Variants in RBFOX1 observed in about 807,000 individuals in gnomAD.
RBFOX1 encodes RNA binding protein fox-1 homolog 1.
In RBFOX1, 8 loss-of-function variants were observed where a neutral mutation model predicts 57.7. The observed-to-expected ratio is 0.14, with a 90% CI of 0.08 to 0.25. RBFOX1 has a LOEUF of 0.25. Among genes scored for constraint, RBFOX1 ranks in the 10% least tolerant of loss-of-function variants. RBFOX1 has a pLI of 1.00. For synonymous variants in RBFOX1, 326 were observed against 222.4 expected (o/e 1.47, Z -4.15); for missense variants, 611 against 548.5 (o/e 1.11, Z -1.14).
At chr16:5,866,603 G>A (rs765620504) in intron 3 of RBFOX1, among the ~76,000 whole-genome samples, 30 of 152,332 alleles carry the variant, frequency 2.0e-4, no homozygotes, top group Non-Finnish European at 4.0e-4. Flanking sequence ...CAAATCCTTT[G>A]ATATACAGTA....
At chr16:6,126,176 T>TG (rs1395210381) in intron 1 of RBFOX1, among the ~76,000 whole-genome samples, 2 of 152,224 alleles carry the variant, frequency 1.3e-5, no homozygotes, top group African/African-American at 4.8e-5. Context: ...TGAAATGTAA[T>TG]GGAGAATTAC....
At chr16:6,972,668 C>G (rs1360393433) in intron 3 of RBFOX1, among the ~76,000 whole-genome samples, 5 of 152,148 alleles carry the variant, frequency 3.3e-5, no homozygotes, top group Middle Eastern at 3.4e-3. Flanking sequence ...TGGGGACAGA[C>G]AACCTGAGTG....
chr16:7,548,765 T>C (rs2085389428), intron 5 of RBFOX1, among the ~76,000 whole-genome samples: 1 of 152,212 alleles, frequency 6.6e-6, no homozygotes, highest in South Asian at 2.1e-4. Context: ...GAGGCCGCCA[T>C]GTTTGCCTCT....
chr16:6,629,348 T>C (rs990759436), intron 2 of RBFOX1, among the ~76,000 whole-genome samples: 1 of 152,324 alleles, frequency 6.6e-6, no homozygotes, highest in African/African-American at 2.4e-5. Context: ...AGAAACACAG[T>C]GTTGCTCGTT....
At chr16:7,140,149 C>A (rs1322418897) in intron 4 of RBFOX1, among the ~76,000 whole-genome samples, 2 of 83,098 alleles carry the variant, frequency 2.4e-5, no homozygotes. Context: ...TTATTCTCTC[C>A]TTCTCTCCCT....
intron 1 of RBFOX1, among the ~76,000 whole-genome samples, chr16:5,256,809 C>T (rs984721751): frequency 1.3e-5 from 2 of 152,078 alleles, no homozygotes; most frequent in African/African-American, 4.8e-5. Flanking sequence ...TGGCATCTGC[C>T]TGTAGTCCCA....
At chr16:6,073,098 C>T (rs79434932) in intron 1 of RBFOX1, among the ~76,000 whole-genome samples, 2,508 of 152,244 alleles carry the variant, frequency 0.016, 70 homozygotes, top group South Asian at 0.11. Flanking sequence ...TAATGAATTT[C>T]TTTACCAGTG....
chr16:7,245,339 G>A (rs923853972), intron 4 of RBFOX1, among the ~76,000 whole-genome samples: 1 of 151,428 alleles, frequency 6.6e-6, no homozygotes, highest in Admixed American at 6.6e-5. Flanking sequence ...TTTATTTTAG[G>A]TTCCAAGATA....
chr16:6,220,507 C>G (rs1034785801), intron 1 of RBFOX1, among the ~76,000 whole-genome samples: 2 of 152,138 alleles, frequency 1.3e-5, no homozygotes, highest in Non-Finnish European at 2.9e-5. Flanking sequence ...AGTTATAAGT[C>G]TTTGATAATT....
intron 3 of RBFOX1, among the ~76,000 whole-genome samples, chr16:5,615,264 C>A (rs917463362): frequency 6.6e-6 from 1 of 152,162 alleles, no homozygotes; most frequent in Admixed American, 6.5e-5. Context: ...TTCCTGGACT[C>A]AATTGATCCT....
intron 1 of RBFOX1, among the ~76,000 whole-genome samples, chr16:6,257,983 C>G (rs1001495636): frequency 1.3e-5 from 2 of 152,078 alleles, no homozygotes; most frequent in African/African-American, 4.8e-5. Flanking sequence ...CTTTTTTGGT[C>G]TTTGAGGAAT....
At chr16:6,487,701 ATATATATATATATATATATATATATATAT>A (rs2095532548) in intron 2 of RBFOX1, among the ~76,000 whole-genome samples, 3 of 4,516 alleles carry the variant, frequency 6.6e-4, no homozygotes, top group East Asian at 7.7e-3. Flanking sequence ...AAAAAAAAAA[ATATATATATATATATATATATATATATAT>A]ATATATATAT....
At chr16:6,959,040 A>AAACTT (rs1389393569) in intron 3 of RBFOX1, among the ~76,000 whole-genome samples, 35 of 152,188 alleles carry the variant, frequency 2.3e-4, no homozygotes. Context: ...TTTCAGAATA[A>AAACTT]AACTTCACCA....
chr16:6,282,146 G>C lies in RBFOX1; in HGVS notation c.-126-34849G>C, dbSNP rs546549934. Among the ~76,000 whole-genome samples the C allele has an allele frequency of 1.1e-4, 16 of 152,206 alleles. No homozygotes were observed. In the East Asian group the frequency reaches 2.9e-3, roughly 28 times the overall value. ...ATTTTTGCAGAAGCTCTCTTCATCT[G>C]AATTCACAAGTATTGACTGTTTCTT... On this transcript the variant is annotated intron_variant, in intron 1 of 15. Coordinates refer to ENST00000550418, the MANE Select transcript of RBFOX1 (RefSeq NM_018723.4).
At chr16:5,712,572 A>G (rs1248972342) in intron 3 of RBFOX1, among the ~76,000 whole-genome samples, 1 of 152,106 alleles carries the variant, frequency 6.6e-6, no homozygotes, top group African/African-American at 2.4e-5. Context: ...TTCATCATCT[A>G]TGAGCTCACT....
intron 2 of RBFOX1, among the ~76,000 whole-genome samples, chr16:6,321,681 C>T (rs959807789): frequency 6.6e-6 from 1 of 152,110 alleles, no homozygotes; most frequent in African/African-American, 2.4e-5. Context: ...TAATAATGGT[C>T]GGGCAGATAG....
chr16:7,017,994 G>A (rs956889256), intron 3 of RBFOX1, among the ~76,000 whole-genome samples: 1 of 152,104 alleles, frequency 6.6e-6, no homozygotes, highest in East Asian at 1.9e-4. Context: ...GGTCTTCAGG[G>A]AATGGAATTT....
intron 3 of RBFOX1, among the ~76,000 whole-genome samples, chr16:5,825,806 T>C (rs554693922): frequency 1.7e-3 from 250 of 145,652 alleles, no homozygotes; most frequent in African/African-American, 6.0e-3. Flanking sequence ...TTCCTTAATA[T>C]GAATAAGGAA....
intron 3 of RBFOX1, among the ~76,000 whole-genome samples, chr16:6,850,025 T>C (rs1046204247): frequency 6.6e-6 from 1 of 152,216 alleles, no homozygotes; most frequent in Non-Finnish European, 1.5e-5. Context: ...ATCTTTTTTC[T>C]CAAAGAAATA....
Sources: gnomAD v4.1 joint callset for allele counts (sites outside exome capture counted in the v4.1 genomes callset) on GRCh38, gnomAD v4.1.1 for gene constraint, MANE v1.5 for transcripts, NCBI Gene and HGNC (gene_info 2026-07-23, HGNC 2026-07-21) for gene names.